Variants in MYCBP2 observed in about 807,000 individuals in gnomAD.
MYCBP2 encodes E3 ubiquitin-protein ligase MYCBP2.
In MYCBP2, 120 loss-of-function variants were observed where a neutral mutation model predicts 525.3. That is an observed-to-expected ratio of 0.23 (90% CI 0.20 to 0.27). MYCBP2 has a LOEUF of 0.27. Ranked by LOEUF, MYCBP2 falls within the 10% of genes least tolerant of loss-of-function variation. The probability of loss-of-function intolerance (pLI) is 1.00; values close to 1 mark genes in which losing one functional copy is unlikely to be tolerated. For missense variants in MYCBP2, 4,149 were observed against 5,657.1 expected (o/e 0.73, Z 8.55); for synonymous variants, 1,894 against 1,955.8 (o/e 0.97, Z 0.83).
intron 7 of MYCBP2, among the ~76,000 whole-genome samples, chr13:77,268,864 A>G (rs2074464365): frequency 6.6e-6 from 1 of 152,172 alleles, no homozygotes; most frequent in Non-Finnish European, 1.5e-5. Context: ...AGTAATTTCC[A>G]TAGTTTTCAA....
intron 68 of MYCBP2, among the ~76,000 whole-genome samples, chr13:77,073,240 T>C (rs753615543): frequency 3.2e-4 from 48 of 152,092 alleles, no homozygotes; most frequent in Non-Finnish European, 2.4e-4. Flanking sequence ...TGGATTATCT[T>C]ACGGAATAAA....
chr13:77,097,769 G>T lies in MYCBP2; in HGVS notation c.9385C>A (p.Leu3129Met). 4 of 1,613,724 alleles carry T rather than the reference G, an allele frequency of 2.5e-6. No homozygotes were observed. Among genetic ancestry groups the T allele is most frequent in the Non-Finnish European group, 3.4e-6 (4 of 1,179,802 alleles). Residue 3129 changes from leucine to methionine, a missense_variant, in exon 56 of 83, where the codon CTG (leucine) becomes ATG (methionine). Physicochemically the swap from Leu to Met is conservative, Grantham distance 15 (BLOSUM62 2). Coordinates refer to ENST00000544440, the MANE Select transcript of MYCBP2 (RefSeq NM_015057.5). ...KVLSMLKEPPLHEKCEDGKTE... is the reference protein window; with the variant it reads ...KVLSMLKEPPMHEKCEDGKTE... ...TTCCCATCCTCACATTTTTCATGCA[G>T]AGGTGGTTCCTTAAGCATAGACAAT...
chr13:77,263,184 T>C (rs1301598625), intron 10 of MYCBP2, among the ~76,000 whole-genome samples: 1 of 152,044 alleles, frequency 6.6e-6, no homozygotes, highest in Non-Finnish European at 1.5e-5. Context: ...AATTACCATT[T>C]TGACAATCTA....
At chr13:77,141,093 C>T in intron 49 of MYCBP2, 150 bp from the exon 50 acceptor site, 1 of 555,802 alleles carries the variant, frequency 1.8e-6, no homozygotes, top group Non-Finnish European at 3.1e-6. Context: ...ATTTAATAGG[C>T]TAAACAAGAG....
In MYCBP2 at chr13:77,166,275, T is replaced by C. The variant is rs1026676012; in HGVS notation, c.6340+54A>G. The C allele has an allele frequency of 9.2e-5, 114 of 1,240,724 alleles. 1 individual carries two copies. Among genetic ancestry groups the C allele is most frequent in the Non-Finnish European group, 2.3e-6 (2 of 885,530 alleles). 76.9% of individuals were successfully genotyped at this position (1,240,724 alleles called of 1,614,324 possible). ...TTTTCAATGATACACCCTTACTAAA[T>C]ATACATAAATGCACTTATTTTACCA... On this transcript the variant is annotated intron_variant, in intron 41 of 82. Coordinates refer to ENST00000544440, the MANE Select transcript of MYCBP2 (RefSeq NM_015057.5).
At chr13:77,070,560 A>C (rs1017842192) in intron 69 of MYCBP2, 71 bp downstream of exon 69, 35 of 1,139,666 alleles carry the variant, frequency 3.1e-5, no homozygotes, top group Non-Finnish European at 4.2e-5. Flanking sequence ...ACAAACAAAC[A>C]GACAAACAAA....
intron 82 of MYCBP2, among the ~76,000 whole-genome samples, chr13:77,046,809 G>A (rs2035649894): frequency 1.3e-5 from 2 of 152,178 alleles, no homozygotes. Context: ...CAGCATGGGA[G>A]GATGCCAGAG....
chr13:77,118,579 C>A, intron 55 of MYCBP2: 2 of 712,188 alleles, frequency 2.8e-6, no homozygotes, highest in Non-Finnish European at 5.1e-6. Flanking sequence ...TTATGACATT[C>A]AGATAGAGTT....
chr13:77,262,839 A>T (rs111269915), intron 10 of MYCBP2, among the ~76,000 whole-genome samples: 5,024 of 152,102 alleles, frequency 0.033, 281 homozygotes, highest in African/African-American at 0.11. Context: ...TAAAAATTTT[A>T]AATCTGTAAT....
intron 58 of MYCBP2, among the ~76,000 whole-genome samples, chr13:77,093,565 T>C (rs2045772191): frequency 6.6e-6 from 1 of 152,196 alleles, no homozygotes; most frequent in Non-Finnish European, 1.5e-5. Context: ...TCTTTCCTTT[T>C]GAGAACTTTT....
At chr13:77,084,309 A>G (rs561622841) in intron 62 of MYCBP2, among the ~76,000 whole-genome samples, 33 of 152,288 alleles carry the variant, frequency 2.2e-4, no homozygotes, top group East Asian at 1.5e-3. Flanking sequence ...CTTGCTACCA[A>G]TGTAAGCCCA....
chr13:77,156,223 A>G, intron 45 of MYCBP2, 21 bp from the exon 46 acceptor site: 1 of 1,605,234 alleles, frequency 6.2e-7, no homozygotes, highest in Non-Finnish European at 8.5e-7. Context: ...TGAAAAACAA[A>G]TAAACAAAAC....
intron 49 of MYCBP2, chr13:77,144,191 A>T: frequency 2.1e-6 from 1 of 468,772 alleles, no homozygotes; most frequent in Non-Finnish European, 3.9e-6. Context: ...AAGAGAGCAC[A>T]CCTGACTAGT....
intron 14 of MYCBP2, among the ~76,000 whole-genome samples, chr13:77,252,263 G>A (rs1008719398): frequency 6.6e-6 from 1 of 151,964 alleles, no homozygotes; most frequent in Non-Finnish European, 1.5e-5. Flanking sequence ...ACAAATCTTT[G>A]TCACATTTTT....
chr13:77,173,593 G>A (rs1325799495), intron 37 of MYCBP2, among the ~76,000 whole-genome samples: 1 of 152,166 alleles, frequency 6.6e-6, no homozygotes, highest in Non-Finnish European at 1.5e-5. Flanking sequence ...TCTTCATGAA[G>A]GAAAGAGAGG....
chr13:77,210,714 T>A (rs1460654748), intron 23 of MYCBP2, among the ~76,000 whole-genome samples: 1 of 152,114 alleles, frequency 6.6e-6, no homozygotes, highest in East Asian at 1.9e-4. Context: ...TAATAATAAT[T>A]ATGAGAACAA....
At chr13:77,056,233 T>C (rs1233972055) in intron 79 of MYCBP2, among the ~76,000 whole-genome samples, 4 of 151,884 alleles carry the variant, frequency 2.6e-5, no homozygotes, top group Middle Eastern at 3.4e-3. Flanking sequence ...AAAACTTTCA[T>C]GTATCTATTA....
At position 77,191,691 on chromosome 13, in the gene MYCBP2, G is replaced by T; in HGVS notation, c.4058C>A (p.Thr1353Asn). 1 of 1,613,758 alleles carries T rather than the reference G, an allele frequency of 6.2e-7. No homozygotes were observed. Among genetic ancestry groups the T allele is most frequent in the Middle Eastern group, 1.7e-4 (1 of 6,050 alleles). ...GGCATTTACTTACCCATCATCTGTG[G>T]TAATAGATGCCTGTCCATGAGATCC... ...DCGSHGQASITTDDGVVFQFK... is the reference protein window; with the variant it reads ...DCGSHGQASINTDDGVVFQFK... Residue 1353 changes from threonine to asparagine, a missense_variant, in exon 28 of 83, where the codon ACC (threonine) becomes AAC (asparagine). This residue lies in a region of MYCBP2 where 620 missense variants were observed against 795.5 expected (regional missense o/e 0.78). Transcript: ENST00000544440.
At chr13:77,151,241 T>C (rs982476543) in intron 46 of MYCBP2, among the ~76,000 whole-genome samples, 23 of 152,174 alleles carry the variant, frequency 1.5e-4, no homozygotes, top group Non-Finnish European at 2.6e-4. Flanking sequence ...CAGGAAAAGA[T>C]AGTGGAATGA....
Sources: allele counts gnomAD v4.1 joint callset (sites outside exome capture counted in the v4.1 genomes callset), GRCh38; gene constraint gnomAD v4.1.1; regional missense constraint gnomAD v4.1.1; transcripts MANE v1.5; gene names NCBI Gene and HGNC (gene_info 2026-07-23, HGNC 2026-07-21).